PHC3: variants seen among roughly 807,000 people sequenced by gnomAD.
PHC3 encodes polyhomeotic-like protein 3.
PHC3 carries 13 observed loss-of-function variants against 107.4 expected under a neutral mutation model. The observed-to-expected ratio is 0.12, with a 90% CI of 0.08 to 0.19. The LOEUF (loss-of-function observed/expected upper bound fraction) is 0.19, where lower values mean the gene tolerates loss of function less well. Ranked by LOEUF, PHC3 falls within the 10% of genes least tolerant of loss-of-function variation. PHC3 has a pLI of 1.00. For synonymous variants in PHC3, 456 were observed against 427.4 expected (o/e 1.07, Z -0.83); for missense variants, 992 against 1,210.9 (o/e 0.82, Z 2.68).
In PHC3 at chr3:170,173,016, C is replaced by A. The variant is rs374036572; in HGVS notation, c.181-304G>T. Among the ~76,000 whole-genome samples the A allele has an allele frequency of 4.8e-3, 733 of 151,986 alleles. 6 individuals carry two copies. The highest frequency in any genetic ancestry group is 0.017 in the African/African-American group (699 of 41,444). On this transcript the variant is annotated intron_variant, in intron 2 of 14. Transcript: ENST00000495893. ...GACCATCCTGGCTAACATGGTGAAA[C>A]CCCGTCTCTACTAAAAACACAAAAA...
At chr3:170,122,214 G>A (rs1330876925) in intron 9 of PHC3, among the ~76,000 whole-genome samples, 1 of 152,208 alleles carries the variant, frequency 6.6e-6, no homozygotes, top group Non-Finnish European at 1.5e-5. Context: ...GAGCCTGGAT[G>A]ACAGAGACTG....
intron 7 of PHC3, among the ~76,000 whole-genome samples, chr3:170,129,979 G>A (rs1458643631): frequency 6.6e-6 from 1 of 152,298 alleles, no homozygotes; most frequent in South Asian, 2.1e-4. Flanking sequence ...GATTACTAGC[G>A]TGAGCCATCA....
rs543794943 is a variant in PHC3 at position 170,173,772 on chromosome 3, CCACAGGAAAACTTT to C, written c.181-1074_181-1061del. Among the ~76,000 whole-genome samples, 16 of 152,196 alleles carry C rather than the reference CCACAGGAAAACTTT, an allele frequency of 1.1e-4. No homozygotes were observed. The East Asian group carries it at 2.7e-3, about 26-fold the overall frequency. On this transcript the variant is annotated intron_variant, in intron 2 of 14. Transcript: ENST00000495893. ...TTTATATTAAAATATTTGAAAGAAT[CCACAGGAAAACTTT>C]CAAAGACCACTGATGGGTAGCTAGA...
At chr3:170,099,632 G>C (rs535604169) in intron 14 of PHC3, among the ~76,000 whole-genome samples, 1 of 152,242 alleles carries the variant, frequency 6.6e-6, no homozygotes, top group Non-Finnish European at 1.5e-5. Context: ...CTCAGCACAG[G>C]CAAGGACCTC....
At chr3:170,108,994 AG>A (rs1254690853) in intron 11 of PHC3, among the ~76,000 whole-genome samples, 1 of 152,190 alleles carries the variant, frequency 6.6e-6, no homozygotes, top group Non-Finnish European at 1.5e-5. Context: ...GAGTAGTATA[AG>A]TTTTATTTCT....
chr3:170,112,924 A>G (rs1208072725), intron 11 of PHC3, among the ~76,000 whole-genome samples: 1 of 152,228 alleles, frequency 6.6e-6, no homozygotes, highest in Non-Finnish European at 1.5e-5. Context: ...TAATACAATT[A>G]TAATATCCAC....
intron 4 of PHC3, among the ~76,000 whole-genome samples, chr3:170,165,346 A>G (rs1380722388): frequency 6.6e-6 from 1 of 152,182 alleles, no homozygotes; most frequent in Non-Finnish European, 1.5e-5. Flanking sequence ...AATACTAAAA[A>G]CATCCAAGTT....
rs1198159222 is a variant in PHC3 at position 170,094,845 on chromosome 3, T to G, written c.*2385A>C. The G allele has an allele frequency of 6.6e-6, 1 of 152,088 alleles. No homozygotes were observed. Among genetic ancestry groups the G allele is most frequent in the Non-Finnish European group, 1.5e-5 (1 of 68,018 alleles). The allele number at this position is 152,088 out of a possible 1,614,324, so 9.4% of individuals were successfully genotyped here. A position where few individuals can be genotyped will look rare whatever the true frequency, so the allele number is the denominator to read the frequency against. ...CCCTCCTGAATACTTAAGACAGCAGTAGGCACAGGGGCTTTCAATAAGTAC... is the reference window on the plus strand; with the variant it reads ...CCCTCCTGAATACTTAAGACAGCAGGAGGCACAGGGGCTTTCAATAAGTAC... On this transcript the variant is annotated 3_prime_UTR_variant, in exon 15 of 15. Coordinates refer to ENST00000495893, the MANE Select transcript of PHC3 (RefSeq NM_024947.4).
At chr3:170,173,172 G>A (rs151331802) in intron 2 of PHC3, among the ~76,000 whole-genome samples, 1,930 of 148,472 alleles carry the variant, frequency 0.013, 43 homozygotes, top group African/African-American at 0.043. Context: ...CAGCCTGGGC[G>A]ACACAGCAAG....
At chr3:170,121,051 T>C (rs1720190136) in intron 9 of PHC3, among the ~76,000 whole-genome samples, 1 of 152,250 alleles carries the variant, frequency 6.6e-6, no homozygotes, top group Non-Finnish European at 1.5e-5. Context: ...TGTGTGGCTA[T>C]GTTTCACAGA....
intron 5 of PHC3, among the ~76,000 whole-genome samples, chr3:170,146,877 CTT>C (rs1035803336): frequency 7.1e-5 from 7 of 98,006 alleles, no homozygotes; most frequent in African/African-American, 1.6e-4. Flanking sequence ...TCTATTTTTT[CTT>C]TTTTTTTTTT....
rs779899369 is a variant in PHC3 at position 170,129,188 on chromosome 3, T to C, written c.1284A>G (p.Pro428=). 1.1e-5 allele frequency: 18 copies of C among 1,613,800 alleles called. No homozygotes were observed. Among genetic ancestry groups the C allele is most frequent in the South Asian group, 5.5e-5 (5 of 91,082 alleles). ...GAGGGTGTGGCTGAATAAGTGCTTG[T>C]GGATGAATAATTATAGTAGGAGACT... ...PSQSPTIIIH[P]QALIQPHPLV... is the part of the protein sequence containing the mutation. The change falls in exon 8 of 15, where the codon CCA becomes CCG. Residue 428 remains proline (P), a synonymous_variant. Transcript: ENST00000495893.
chr3:170,120,298 A>G (rs1158907807), intron 9 of PHC3, among the ~76,000 whole-genome samples: 1 of 152,114 alleles, frequency 6.6e-6, no homozygotes, highest in Non-Finnish European at 1.5e-5. Flanking sequence ...TAAAAAGACA[A>G]TAATAGGCCA....
chr3:170,173,056 G>GTA (rs1009207455), intron 2 of PHC3, among the ~76,000 whole-genome samples: 2 of 151,856 alleles, frequency 1.3e-5, no homozygotes, highest in Non-Finnish European at 2.9e-5. Flanking sequence ...GCCAGGCATG[G>GTA]TGGCACATGC....
chr3:170,180,148 C>CA (rs1220290778), intron 1 of PHC3, among the ~76,000 whole-genome samples: 499 of 82,824 alleles, frequency 6.0e-3, no homozygotes, highest in Admixed American at 0.013. Flanking sequence ...AAAAACCGAA[C>CA]AAAAAAAAAA....
rs1022609882 is a variant in PHC3 at position 170,095,740 on chromosome 3, T to A, written c.*1490A>T. The A allele has an allele frequency of 6.6e-6, 1 of 152,208 alleles. No homozygotes were observed. The highest frequency in any genetic ancestry group is 6.6e-5 in the Admixed American group (1 of 15,260). 9.4% of individuals were successfully genotyped at this position (152,208 alleles called of 1,614,324 possible). A position where few individuals can be genotyped will look rare whatever the true frequency, so the allele number is the denominator to read the frequency against. On this transcript the variant is annotated 3_prime_UTR_variant, in exon 15 of 15. Coordinates refer to ENST00000495893, the MANE Select transcript of PHC3 (RefSeq NM_024947.4). ...TCATCATCTCAAATAAAATTTTTGA[T>A]GTCCAGGACTATAAAGCTTTCAGGG... is the stretch of plus-strand genomic sequence containing the variant.
chr3:170,129,004 C>T lies in PHC3; in HGVS notation c.1468G>A (p.Gly490Ser), dbSNP rs775239681. Residue 490 changes from glycine (G) to serine (S), a missense_variant, in exon 8 of 15, where the codon GGC (glycine) becomes AGC (serine). Coordinates refer to ENST00000495893, the MANE Select transcript of PHC3 (RefSeq NM_024947.4). ...PVQQSALVSP[G>S]QQIVSPSHQQ... The stretch of plus-strand genomic sequence containing the variant: ...TGTGATGGAGAGACAATCTGCTGGC[C>T]TGGGGATACCAAGGCAGACTGCTGA... 5.0e-6 allele frequency: 8 copies of T among 1,613,612 alleles called. No homozygotes were observed. The South Asian group carries it at 7.7e-5, about 16-fold the overall frequency.
chr3:170,145,128 G>T (rs1344532875), intron 6 of PHC3, among the ~76,000 whole-genome samples: 1 of 152,174 alleles, frequency 6.6e-6, no homozygotes, highest in Admixed American at 6.5e-5. Flanking sequence ...TATCTCACAT[G>T]AGAAATAAAT....
intron 2 of PHC3, among the ~76,000 whole-genome samples, chr3:170,175,935 A>T (rs1336666934): frequency 6.0e-5 from 9 of 150,052 alleles, no homozygotes; most frequent in Non-Finnish European, 1.3e-4. Flanking sequence ...AAAAAAAAAA[A>T]AACAAAACCC....
Sources: gnomAD v4.1 joint callset for allele counts (sites outside exome capture counted in the v4.1 genomes callset) on GRCh38, gnomAD v4.1.1 for gene constraint, MANE v1.5 for transcripts, NCBI Gene and HGNC (gene_info 2026-07-23, HGNC 2026-07-21) for gene names.